Variants in TNRC6B observed in about 807,000 individuals in gnomAD.
TNRC6B encodes the protein trinucleotide repeat-containing gene 6B protein.
Under a neutral mutation model 203.6 loss-of-function variants are expected in TNRC6B, and 52 were observed. The ratio of observed to expected loss-of-function variants is 0.26; its 90% CI spans 0.20 to 0.32. TNRC6B has a LOEUF of 0.32. TNRC6B is among the 10% of genes least tolerant of loss of function. The pLI, the probability that TNRC6B is intolerant of heterozygous loss-of-function variation, is 1.00. For synonymous variants in TNRC6B, 838 were observed against 845.7 expected, an observed-to-expected ratio of 0.99 and a Z score of 0.16; for missense variants, 1,923 against 2,286.2, an observed-to-expected ratio of 0.84 and a Z score of 3.24.
At chr22:40,261,321 G>A (rs897554106) in intron 3 of TNRC6B, among the ~76,000 whole-genome samples, 6 of 152,038 alleles carry the variant, frequency 3.9e-5, no homozygotes, top group African/African-American at 1.5e-4. Context: ...GCTCATGCCT[G>A]TAATCTCAAC....
At chr22:40,319,437 TTTTTG>T (rs2071305765) in intron 21 of TNRC6B, among the ~76,000 whole-genome samples, 1 of 149,324 alleles carries the variant, frequency 6.7e-6, no homozygotes, top group Non-Finnish European at 1.5e-5. Context: ...TTTTTTTTTT[TTTTTG>T]AGACAGAGTC....
intron 1 of TNRC6B, among the ~76,000 whole-genome samples, chr22:40,182,607 C>G (rs1054138488): frequency 6.6e-6 from 1 of 152,224 alleles, no homozygotes; most frequent in African/African-American, 2.4e-5. Context: ...GCTGGGGCAT[C>G]TAAGAATTAA....
At position 40,197,594 on chromosome 22, in the gene TNRC6B, G is replaced by A. The variant is rs183104802; in HGVS notation, c.5+19454G>A. ...GAGCCACCGCACCCAGCCGAAAGGC[G>A]TTTTTCTTTTTCTTTTTTTTTTTTT... On this transcript the variant is annotated intron_variant, in intron 1 of 22. Transcript: ENST00000454349. 5.5e-5 allele frequency among the ~76,000 whole-genome samples: 8 copies of A among 144,420 alleles called. No individual in the cohort carries two copies. In the East Asian group the frequency reaches 7.9e-4, roughly 14 times the overall value. The allele number at this position is 144,420 out of a possible 152,430, so 94.7% of individuals were successfully genotyped here. A position where few individuals can be genotyped will look rare whatever the true frequency, so the allele number is the denominator to read the frequency against.
intron 1 of TNRC6B, among the ~76,000 whole-genome samples, chr22:40,068,610 G>A (rs1264406293): frequency 2.0e-5 from 3 of 151,850 alleles, no homozygotes; most frequent in Admixed American, 6.6e-5. Context: ...GAGCCACCGC[G>A]CCTGGCCTCT....
At position 40,334,890 on chromosome 22, in the gene TNRC6B, CT is replaced by C. The variant is rs1722195612; in HGVS notation, c.*11652del. ...GATTTTTTAAAAGGCAGCTTTCCAA[CT>C]TTGCACACAAACAGGTAACAGGAAG... On this transcript the variant is annotated 3_prime_UTR_variant, in exon 23 of 23. Transcript: ENST00000454349. 1 of 152,594 alleles carries C rather than the reference CT, an allele frequency of 6.6e-6. No individual in the cohort carries two copies. Among genetic ancestry groups the C allele is most frequent in the Admixed American group, 6.5e-5 (1 of 15,276 alleles). 9.5% of individuals were successfully genotyped at this position (152,594 alleles called of 1,614,324 possible). A position where few individuals can be genotyped will look rare whatever the true frequency, so the allele number is the denominator to read the frequency against.
At chr22:40,137,547 C>T (rs1439255229) in intron 3 of TNRC6B, among the ~76,000 whole-genome samples, 3 of 152,180 alleles carry the variant, frequency 2.0e-5, no homozygotes, top group African/African-American at 7.2e-5. Flanking sequence ...CCACACATTT[C>T]TCCGGAGAAG....
chr22:40,049,097 G>A (rs1601783111), intron 1 of TNRC6B, among the ~76,000 whole-genome samples: 1 of 152,174 alleles, frequency 6.6e-6, no homozygotes, highest in South Asian at 2.1e-4. Flanking sequence ...TTTATACACT[G>A]CTGGCTGGGC....
intron 21 of TNRC6B, among the ~76,000 whole-genome samples, chr22:40,319,422 C>CTTTTTTTTT (rs374148213): frequency 1.8e-5 from 2 of 112,712 alleles, no homozygotes; most frequent in African/African-American, 3.1e-5. Context: ...CTTTTCTTTT[C>CTTTTTTTTT]TTTTTTTTTT....
chr22:40,206,419 T>C (rs764567929), intron 1 of TNRC6B, among the ~76,000 whole-genome samples: 8 of 152,132 alleles, frequency 5.3e-5, no homozygotes, highest in Non-Finnish European at 1.0e-4. Flanking sequence ...AATGTAAAAT[T>C]ATATCAGAAG....
chr22:40,232,946 TC>T (rs2069895572), intron 1 of TNRC6B, among the ~76,000 whole-genome samples: 1 of 151,482 alleles, frequency 6.6e-6, no homozygotes, highest in Admixed American at 6.6e-5. Flanking sequence ...GATCAGGAGA[TC>T]AAGACCATCC....
At position 40,277,133 on chromosome 22, in the gene TNRC6B, T is replaced by C. The variant is rs1227886759; in HGVS notation, c.3198T>C (p.Phe1066=). ...GGATGAATCCTCTTGCCAAACAGTT[T>C]TCAAATATGGGATTGCTGGTAAGTT... ...DSWMNPLAKQ[F]SNMGLLSQTE... Residue 1066 remains phenylalanine, a synonymous_variant, in exon 8 of 23, where the codon TTT becomes TTC. Transcript: ENST00000454349. The C allele has an allele frequency of 1.2e-6, 2 of 1,608,836 alleles. No individual in the cohort carries two copies. The highest frequency in any genetic ancestry group is 2.2e-5 in the East Asian group (1 of 44,582).
At chr22:40,092,093 C>G (rs535825420) in intron 1 of TNRC6B, among the ~76,000 whole-genome samples, 2 of 152,106 alleles carry the variant, frequency 1.3e-5, no homozygotes, top group Non-Finnish European at 1.5e-5. Context: ...AATGAGTCAG[C>G]AGAACCAACA....
intron 15 of TNRC6B, among the ~76,000 whole-genome samples, chr22:40,308,261 G>A (rs2071119134): frequency 6.6e-6 from 1 of 152,208 alleles, no homozygotes; most frequent in Non-Finnish European, 1.5e-5. Flanking sequence ...ATGAAAAAGG[G>A]CGTGCAGGAA....
At chr22:40,127,926 G>A (rs1048466774) in intron 3 of TNRC6B, among the ~76,000 whole-genome samples, 1 of 152,176 alleles carries the variant, frequency 6.6e-6, no homozygotes, top group Non-Finnish European at 1.5e-5. Context: ...GAAAGAGAAG[G>A]TATAATTGGG....
At position 40,233,142 on chromosome 22, in the gene TNRC6B, C is replaced by CA. The variant is rs199900996; in HGVS notation, c.6-12864dup. 2.7e-3 allele frequency among the ~76,000 whole-genome samples: 407 copies of CA among 148,728 alleles called. 2 individuals carry two copies. The highest frequency in any genetic ancestry group is 8.5e-3 in the African/African-American group (341 of 40,336). On this transcript the variant is annotated intron_variant, in intron 1 of 22. Transcript: ENST00000454349. The stretch of plus-strand genomic sequence containing the variant: ...CTAGCAACAGAGTAAGATTCCGTCT[C>CA]AAAAAAAAAGAAAAAAAGAAAAGAA...
chr22:40,141,310 A>G (rs1200499583), intron 3 of TNRC6B, among the ~76,000 whole-genome samples: 3 of 147,156 alleles, frequency 2.0e-5, no homozygotes, highest in African/African-American at 7.6e-5. Flanking sequence ...GGTTCAGGCG[A>G]TGCTCCCACC....
chr22:40,166,219 T>C (rs1406422597), intron 4 of TNRC6B, among the ~76,000 whole-genome samples: 1 of 152,174 alleles, frequency 6.6e-6, no homozygotes, highest in African/African-American at 2.4e-5. Flanking sequence ...GTGGGAATAC[T>C]CTTCAAGAAA....
chr22:40,258,015 A>G (rs1399025273), intron 3 of TNRC6B, among the ~76,000 whole-genome samples: 2 of 151,864 alleles, frequency 1.3e-5, no homozygotes, highest in Non-Finnish European at 2.9e-5. Flanking sequence ...CTCAGTCTCA[A>G]AAAACAAACA....
intron 4 of TNRC6B, among the ~76,000 whole-genome samples, chr22:40,264,205 A>G (rs1355708221): frequency 6.6e-6 from 1 of 152,218 alleles, no homozygotes; most frequent in Non-Finnish European, 1.5e-5. Context: ...AGATAAGACT[A>G]GAAAAGTTGG....
Sources: allele counts gnomAD v4.1 joint callset (sites outside exome capture counted in the v4.1 genomes callset), GRCh38; gene constraint gnomAD v4.1.1; transcripts MANE v1.5; gene names NCBI Gene and HGNC (gene_info 2026-07-23, HGNC 2026-07-21).